Variants in RBMS3 observed in about 807,000 individuals in gnomAD.
RBMS3 encodes RNA binding motif single stranded interacting protein 3.
A neutral mutation model predicts 66.8 loss-of-function variants in RBMS3; 27 were observed. The ratio of observed to expected loss-of-function variants is 0.40; its 90% CI spans 0.30 to 0.56. The LOEUF (loss-of-function observed/expected upper bound fraction) is 0.56. Among genes scored for constraint, RBMS3 ranks in the 20% least tolerant of loss-of-function variants. The pLI, the probability that RBMS3 is intolerant of heterozygous loss-of-function variation, is 0.40. For synonymous variants in RBMS3, 188 were observed against 183.0 expected (o/e 1.03, Z -0.22); for missense variants, 513 against 549.5 (o/e 0.93, Z 0.66).
At chr3:29,711,997 C>G (rs1356053042) in intron 4 of RBMS3, among the ~76,000 whole-genome samples, 1 of 152,160 alleles carries the variant, frequency 6.6e-6, no homozygotes, top group Admixed American at 6.5e-5. Context: ...GATCACTTTG[C>G]TGCTCCTTTT....
At chr3:29,898,210 TA>T (rs1344776699) in intron 9 of RBMS3, among the ~76,000 whole-genome samples, 9 of 151,682 alleles carry the variant, frequency 5.9e-5, no homozygotes, top group African/African-American at 2.2e-4. Context: ...CCTCTCTACC[TA>T]ATATTGTTCT....
chr3:29,642,082 T>G (rs2049737841), intron 4 of RBMS3, among the ~76,000 whole-genome samples: 1 of 152,086 alleles, frequency 6.6e-6, no homozygotes, highest in African/African-American at 2.4e-5. Flanking sequence ...TTACTGAACA[T>G]GCACGCTGTG....
At chr3:29,979,941 G>T (rs888289152) in intron 12 of RBMS3, among the ~76,000 whole-genome samples, 1 of 152,106 alleles carries the variant, frequency 6.6e-6, no homozygotes, top group African/African-American at 2.4e-5. Context: ...AATCCTTTAG[G>T]TATATACCCA....
Position 29,416,179 on chromosome 3 carries a change from GAGAT to G in RBMS3, c.76-18560_76-18557del, listed in dbSNP as rs201120036. Among the ~76,000 whole-genome samples the G allele has an allele frequency of 6.1e-3, 927 of 152,240 alleles. 7 individuals are homozygous for G. The highest frequency in any genetic ancestry group is 9.7e-3 in the Non-Finnish European group (661 of 68,014). ...GAAGATCACCTCTTGATATGACAGAGAGATAGAATTTTCAGAACACCTCTTGGTG... is the reference window on the plus strand; with the variant it reads ...GAAGATCACCTCTTGATATGACAGAGAGAATTTTCAGAACACCTCTTGGTG... On this transcript the variant is annotated intron_variant, in intron 1 of 14. Coordinates refer to ENST00000383767, the MANE Select transcript of RBMS3 (RefSeq NM_001003793.3).
chr3:29,551,415 T>A (rs1197891465), intron 3 of RBMS3, among the ~76,000 whole-genome samples: 1 of 152,210 alleles, frequency 6.6e-6, no homozygotes, highest in Admixed American at 6.5e-5. Context: ...CCAAATTAGA[T>A]GTATTCGCTT....
intron 3 of RBMS3, among the ~76,000 whole-genome samples, chr3:29,541,119 G>T (rs1174499165): frequency 6.6e-6 from 1 of 152,128 alleles, no homozygotes; most frequent in African/African-American, 2.4e-5. Flanking sequence ...GTTTAAGTGG[G>T]TAGGCCTAAA....
chr3:29,525,693 C>A (rs1213921386), intron 3 of RBMS3, among the ~76,000 whole-genome samples: 4 of 152,150 alleles, frequency 2.6e-5, no homozygotes, highest in African/African-American at 9.7e-5. Flanking sequence ...TCATTGAGTT[C>A]TTCAATCTTC....
intron 5 of RBMS3, among the ~76,000 whole-genome samples, chr3:29,755,832 C>T (rs116142099): frequency 0.038 from 5,792 of 152,246 alleles, 138 homozygotes; most frequent in Middle Eastern, 0.1. Flanking sequence ...AACAAAAGAA[C>T]TAAGATTACA....
chr3:29,709,946 G>A (rs2053090828), intron 4 of RBMS3, among the ~76,000 whole-genome samples: 1 of 152,156 alleles, frequency 6.6e-6, no homozygotes, highest in African/African-American at 2.4e-5. Context: ...GGTCGGTTAA[G>A]TGAAGGAATA....
intron 1 of RBMS3, among the ~76,000 whole-genome samples, chr3:29,429,209 A>G (rs1242343018): frequency 6.6e-6 from 1 of 152,176 alleles, no homozygotes; most frequent in Non-Finnish European, 1.5e-5. Flanking sequence ...AAATGAGAAG[A>G]ATATTATTTG....
intron 6 of RBMS3, among the ~76,000 whole-genome samples, chr3:29,800,067 C>A (rs1471257926): frequency 1.3e-5 from 2 of 152,126 alleles, no homozygotes; most frequent in African/African-American, 4.8e-5. Flanking sequence ...GGAATCAAAG[C>A]CAACACAGAG....
intron 3 of RBMS3, among the ~76,000 whole-genome samples, chr3:29,493,581 A>G (rs2043629714): frequency 6.6e-6 from 1 of 152,028 alleles, no homozygotes; most frequent in African/African-American, 2.4e-5. Flanking sequence ...TATGGGTGAT[A>G]TATTATTATT....
intron 6 of RBMS3, among the ~76,000 whole-genome samples, chr3:29,772,921 T>A (rs1266281188): frequency 6.6e-6 from 1 of 152,012 alleles, no homozygotes; most frequent in Non-Finnish European, 1.5e-5. Context: ...CTTTGGGAAG[T>A]CCTTATATCT....
chr3:29,907,996 C>T (rs944940716), intron 10 of RBMS3, among the ~76,000 whole-genome samples: 3 of 151,886 alleles, frequency 2.0e-5, no homozygotes, highest in African/African-American at 7.3e-5. Flanking sequence ...GCCTGTAACC[C>T]CAGCACTTGG....
chr3:29,391,495 G>A (rs981164782), intron 1 of RBMS3, among the ~76,000 whole-genome samples: 1 of 152,138 alleles, frequency 6.6e-6, no homozygotes, highest in African/African-American at 2.4e-5. Flanking sequence ...TTAGAAAAAC[G>A]GTGGAAAGGA....
chr3:29,281,128 TTTTTCTTCC>T lies in RBMS3; in HGVS notation c.-549_-541del, dbSNP rs1172408962. 1.4e-5 allele frequency: 2 copies of T among 143,014 alleles called. No individual in the cohort carries two copies. Among genetic ancestry groups the T allele is most frequent in the African/African-American group, 5.2e-5 (2 of 38,762 alleles). 8.9% of individuals were successfully genotyped at this position (143,014 alleles called of 1,614,324 possible). ...AGCTGTACAAGGTTTTTTTTTTTTT[TTTTTCTTCC>T]TTTTTTTCTTTTTTTTTTTCTTTTT... On this transcript the variant is annotated 5_prime_UTR_variant, in exon 1 of 15. Coordinates refer to ENST00000383767, the MANE Select transcript of RBMS3 (RefSeq NM_001003793.3).
At position 29,281,552 on chromosome 3, in the gene RBMS3, G is replaced by T; in HGVS notation, c.-130G>T. On this transcript the variant is annotated 5_prime_UTR_variant, in exon 1 of 15. Coordinates refer to ENST00000383767, the MANE Select transcript of RBMS3 (RefSeq NM_001003793.3). ...AAATTCTTGCTGTGTTGGAACTAGC[G>T]AGTGGTGGAGTCTCTGAAGCCTCAT... 1.5e-6 allele frequency: 1 copy of T among 673,542 alleles called. No homozygotes were observed. The highest frequency in any genetic ancestry group is 1.8e-5 in the South Asian group (1 of 54,944). 41.7% of individuals were successfully genotyped at this position (673,542 alleles called of 1,614,324 possible). A position where few individuals can be genotyped will look rare whatever the true frequency, so the allele number is the denominator to read the frequency against.
At chr3:29,525,564 T>C (rs2148982209) in intron 3 of RBMS3, among the ~76,000 whole-genome samples, 1 of 152,360 alleles carries the variant, frequency 6.6e-6, no homozygotes, top group African/African-American at 2.4e-5. Flanking sequence ...GCCAGTTCTC[T>C]TTCCTTTTTG....
chr3:29,830,302 T>C (rs1042441031), intron 6 of RBMS3, among the ~76,000 whole-genome samples: 2 of 152,196 alleles, frequency 1.3e-5, no homozygotes, highest in Admixed American at 1.3e-4. Flanking sequence ...CAAGGTTTAA[T>C]TCAAAACAGA....
Sources: allele counts gnomAD v4.1 joint callset (sites outside exome capture counted in the v4.1 genomes callset), GRCh38; gene constraint gnomAD v4.1.1; transcripts MANE v1.5; gene names NCBI Gene and HGNC (gene_info 2026-07-23, HGNC 2026-07-21).